Variants in PWP1 observed in about 807,000 individuals in gnomAD.
PWP1 encodes PWP1 homolog, endonuclein.
In PWP1, 47 loss-of-function variants were observed where a neutral mutation model predicts 69.9. The observed-to-expected ratio is 0.67, with a 90% confidence interval of 0.53 to 0.86. The LOEUF is 0.86. PWP1 is among the 40% of genes least tolerant of loss of function. The pLI, the probability that PWP1 is intolerant of heterozygous loss-of-function variation, is 0.00. For missense variants in PWP1, 551 were observed against 608.8 expected (o/e 0.91, Z 1.00); for synonymous variants, 222 against 208.2 (o/e 1.07, Z -0.57).
chr12:107,710,309 C>G, intron 13 of PWP1, 96 bp from the exon 14 acceptor site: 1 of 1,518,436 alleles, frequency 6.6e-7, no homozygotes, highest in South Asian at 1.3e-5. Context: ...TTTGAATAAC[C>G]ATTTAAATCA....
At position 107,692,805 on chromosome 12, in the gene PWP1, T is replaced by G. The variant is rs1437337300; in HGVS notation, c.320-9T>G. 1 of 1,601,570 alleles carries G rather than the reference T, an allele frequency of 6.2e-7. No individual in the cohort carries two copies. Among genetic ancestry groups the G allele is most frequent in the Admixed American group, 1.7e-5 (1 of 58,370 alleles). ...TTTTATTATTGTAGTTTGTCAATTT[T>G]TCTTACAGATGCTGAGACTCTTGGT... On this transcript the variant is annotated splice_polypyrimidine_tract_variant and intron_variant, in intron 3 of 14. Transcript: ENST00000412830.
Position 107,712,356 on chromosome 12 carries a change from T to C in PWP1, c.*136T>C. The C allele has an allele frequency of 1.6e-6, 1 of 621,410 alleles. No homozygotes were observed. The highest frequency in any genetic ancestry group is 2.8e-6 in the Non-Finnish European group (1 of 353,098). 38.5% of individuals were successfully genotyped at this position (621,410 alleles called of 1,614,324 possible). A position where few individuals can be genotyped will look rare whatever the true frequency, so the allele number is the denominator to read the frequency against. Reference sequence around the variant, plus strand: ...TCTGACTGACATTCCTTTCTGCAACTGCGGTGGCACCACAAATATCCGGTC... The same window carrying C: ...TCTGACTGACATTCCTTTCTGCAACCGCGGTGGCACCACAAATATCCGGTC... On this transcript the variant is annotated 3_prime_UTR_variant, in exon 15 of 15. Transcript: ENST00000412830.
At chr12:107,704,785 T>G in intron 11 of PWP1, 38 bp downstream of exon 11, 1 of 1,523,384 alleles carries the variant, frequency 6.6e-7, no homozygotes, top group Non-Finnish European at 9.1e-7. Flanking sequence ...TTTTCTAGGT[T>G]GCTAATGACT....
At chr12:107,711,500 C>T (rs1889951730) in intron 14 of PWP1, among the ~76,000 whole-genome samples, 1 of 152,164 alleles carries the variant, frequency 6.6e-6, no homozygotes, top group Admixed American at 6.5e-5. Context: ...CCCTCTCCCC[C>T]ACAGTTACCA....
At position 107,712,480 on chromosome 12, in the gene PWP1, T is replaced by C. The variant is rs75054122; in HGVS notation, c.*260T>C. On this transcript the variant is annotated 3_prime_UTR_variant, in exon 15 of 15. Transcript: ENST00000412830. ...TTTTTAAAAAGTAATTCCTTAAACA[T>C]ACCATCTGTCACAGTTAATCTAGAT... 1,220 of 283,272 alleles carry C rather than the reference T, an allele frequency of 4.3e-3. 17 individuals carry two copies. The highest frequency in any genetic ancestry group is 0.024 in the African/African-American group (1,105 of 46,010). The allele number at this position is 283,272 out of a possible 1,614,324, so 17.5% of individuals were successfully genotyped here.
At chr12:107,698,830 C>T (rs577744941) in intron 7 of PWP1, among the ~76,000 whole-genome samples, 1 of 152,138 alleles carries the variant, frequency 6.6e-6, no homozygotes, top group Non-Finnish European at 1.5e-5. Context: ...CGGCCTCAAG[C>T]GATGTTCCCA....
chr12:107,696,641 G>A, intron 6 of PWP1, 57 bp downstream of exon 6: 3 of 1,601,390 alleles, frequency 1.9e-6, no homozygotes, highest in Non-Finnish European at 2.6e-6. Context: ...TTTTCTCCTA[G>A]CTCCATAAAT....
intron 5 of PWP1, among the ~76,000 whole-genome samples, chr12:107,693,395 G>C (rs972015965): frequency 9.2e-5 from 14 of 151,754 alleles, no homozygotes; most frequent in African/African-American, 3.1e-4. Context: ...AGGCTGTCTC[G>C]AACTCCTGGG....
intron 7 of PWP1, 40 bp downstream of exon 7, chr12:107,697,637 G>A: frequency 6.4e-7 from 1 of 1,574,708 alleles, no homozygotes; most frequent in Non-Finnish European, 8.7e-7. Context: ...AATGACAGAG[G>A]TAAGTTTACT....
chr12:107,688,374 C>A, intron 1 of PWP1, 74 bp from the exon 2 acceptor site: 1 of 1,386,208 alleles, frequency 7.2e-7, no homozygotes, highest in Non-Finnish European at 9.9e-7. Context: ...CATTTGTTTG[C>A]AAACTACTTT....
chr12:107,700,482 C>T (rs1237423314), intron 8 of PWP1, among the ~76,000 whole-genome samples: 1 of 152,158 alleles, frequency 6.6e-6, no homozygotes, highest in Non-Finnish European at 1.5e-5. Flanking sequence ...TCTTCAGGTT[C>T]AGTCATGTTC....
At chr12:107,701,457 CTTTA>C (rs1249761510) in intron 8 of PWP1, among the ~76,000 whole-genome samples, 1 of 152,092 alleles carries the variant, frequency 6.6e-6, no homozygotes, top group Non-Finnish European at 1.5e-5. Context: ...ATGGTGTCTA[CTTTA>C]TTTCTTTTGT....
intron 9 of PWP1, among the ~76,000 whole-genome samples, 177 bp downstream of exon 9, chr12:107,703,208 T>C (rs1428293434): frequency 1.3e-5 from 2 of 152,174 alleles, no homozygotes; most frequent in East Asian, 3.8e-4. Context: ...ATAATGCCCA[T>C]CTTAGAGATG....
rs772881940 is a variant in PWP1 at position 107,710,470 on chromosome 12, A to C, written c.1356A>C (p.Lys452Asn). Residue 452 changes from lysine to asparagine, a missense_variant, in exon 14 of 15, where the codon AAA becomes AAC. By Grantham distance (94) the Lys-to-Asn change is moderately conservative. Coordinates refer to ENST00000412830, the MANE Select transcript of PWP1 (RefSeq NM_007062.3). The part of the protein sequence containing the change: ...LPFIYAFGGQ[K>N]EGLRVWDIST... ...TTATTTATGCCTTTGGAGGTCAAAA[A>C]GAAGGGCTTCGGGTCTGGGATATAA... The C allele has an allele frequency of 6.2e-7, 1 of 1,611,400 alleles. No individual in the cohort carries two copies. Among genetic ancestry groups the C allele is most frequent in the Non-Finnish European group, 8.5e-7 (1 of 1,178,276 alleles).
chr12:107,703,239 T>C (rs990265141), intron 9 of PWP1, among the ~76,000 whole-genome samples: 4 of 152,136 alleles, frequency 2.6e-5, no homozygotes, highest in Admixed American at 2.0e-4. Flanking sequence ...TACAGAAAGG[T>C]ACGGTTACTA....
rs573224321 is a variant in PWP1 at position 107,708,131 on chromosome 12, T to G, written c.1078-795T>G. Reference sequence around the variant, plus strand: ...CTTGAATGTTGTGTTGTACTTCGGCTCTCACTCTTCAGGTACGCAACTTCC... The same window carrying G: ...CTTGAATGTTGTGTTGTACTTCGGCGCTCACTCTTCAGGTACGCAACTTCC... On this transcript the variant is annotated intron_variant, in intron 11 of 14. Transcript: ENST00000412830. 3.3e-5 allele frequency among the ~76,000 whole-genome samples: 5 copies of G among 152,280 alleles called. No homozygotes were observed. The East Asian group carries it at 9.6e-4, about 29-fold the overall frequency.
chr12:107,703,930 CATA>C (rs751274825), intron 10 of PWP1, among the ~76,000 whole-genome samples, 184 bp downstream of exon 10: 13 of 152,192 alleles, frequency 8.5e-5, no homozygotes, highest in Non-Finnish European at 1.6e-4. Flanking sequence ...ATGATTCTGT[CATA>C]ATAATATAAC....
At chr12:107,708,744 C>T (rs770478940) in intron 11 of PWP1, among the ~76,000 whole-genome samples, 182 bp from the exon 12 acceptor site, 1 of 152,208 alleles carries the variant, frequency 6.6e-6, no homozygotes, top group Non-Finnish European at 1.5e-5. Flanking sequence ...GACATGTCAA[C>T]TGAATTAGCC....
intron 14 of PWP1, 60 bp from the exon 15 acceptor site, chr12:107,712,051 T>A: frequency 7.0e-7 from 1 of 1,428,954 alleles, no homozygotes; most frequent in Non-Finnish European, 9.9e-7. Context: ...TTAGTGTCTT[T>A]TTATATTCTG....
Sources: allele counts gnomAD v4.1 joint callset (sites outside exome capture counted in the v4.1 genomes callset), GRCh38; gene constraint gnomAD v4.1.1; transcripts MANE v1.5; gene names NCBI Gene and HGNC (gene_info 2026-07-23, HGNC 2026-07-21).